PDE4D: variants seen among roughly 807,000 people sequenced by gnomAD.
The protein encoded by PDE4D is 3',5'-cyclic-AMP phosphodiesterase 4D.
Under a neutral mutation model 87.4 loss-of-function variants are expected in PDE4D, and 24 were observed. The observed-to-expected ratio is 0.27, with a 90% CI of 0.20 to 0.39. The LOEUF is 0.39. PDE4D is among the 10% of genes least tolerant of loss of function. The pLI, the probability that PDE4D is intolerant of heterozygous loss-of-function variation, is 1.00. For missense variants in PDE4D, 714 were observed against 1,041.0 expected, an observed-to-expected ratio of 0.69 and a Z score of 4.32; for synonymous variants, 384 against 383.2, an observed-to-expected ratio of 1.00 and a Z score of -0.02.
intron 3 of PDE4D, among the ~76,000 whole-genome samples, chr5:59,938,054 C>G (rs1756792822): frequency 6.6e-6 from 1 of 152,184 alleles, no homozygotes; most frequent in Non-Finnish European, 1.5e-5. Flanking sequence ...GGAACTGTAA[C>G]AGCATGACTT....
intron 1 of PDE4D, among the ~76,000 whole-genome samples, chr5:59,759,088 T>C (rs948573199): frequency 1.3e-5 from 2 of 152,110 alleles, no homozygotes; most frequent in African/African-American, 4.8e-5. Context: ...TTTGCTACAT[T>C]AGAGATAGTA....
At chr5:59,710,151 A>C (rs1484351369) in intron 1 of PDE4D, among the ~76,000 whole-genome samples, 2 of 152,180 alleles carry the variant, frequency 1.3e-5, no homozygotes, top group South Asian at 4.1e-4. Context: ...TGCCCAGGGA[A>C]GTCGGAAGAA....
chr5:59,052,641 G>A (rs1405430280), intron 5 of PDE4D, among the ~76,000 whole-genome samples: 1 of 152,154 alleles, frequency 6.6e-6, no homozygotes, highest in Admixed American at 6.5e-5. Context: ...TGGGAACAGT[G>A]GTTCAAATGC....
intron 1 of PDE4D, among the ~76,000 whole-genome samples, chr5:59,720,108 G>A (rs1755612592): frequency 6.6e-6 from 1 of 152,176 alleles, no homozygotes; most frequent in African/African-American, 2.4e-5. Flanking sequence ...TTTTCAAGGT[G>A]TGTATGTTTG....
At chr5:59,502,130 A>G (rs866407536) in intron 1 of PDE4D, among the ~76,000 whole-genome samples, 2 of 152,122 alleles carry the variant, frequency 1.3e-5, no homozygotes, top group South Asian at 4.1e-4. Context: ...AGCATAGTGC[A>G]TTACTCTTAG....
At position 60,231,977 on chromosome 5, in the gene PDE4D, G is replaced by A. The variant is rs528412479; in HGVS notation, c.-89-46290C>T. On this transcript the variant is annotated intron_variant, in intron 1 of 16. Transcript: ENST00000502484. ...GACATAGTATAGAGGGAGGGGGACCGCCTTAGTCAATTTTTTAATAAATTC... is the reference window on the plus strand; with the variant it reads ...GACATAGTATAGAGGGAGGGGGACCACCTTAGTCAATTTTTTAATAAATTC... 1.4e-3 allele frequency among the ~76,000 whole-genome samples: 208 copies of A among 151,984 alleles called. 2 individuals are homozygous for A. Among genetic ancestry groups the A allele is most frequent in the Non-Finnish European group, 2.4e-3 (165 of 67,868 alleles).
At chr5:59,084,407 A>G (rs1181559259) in intron 5 of PDE4D, among the ~76,000 whole-genome samples, 1 of 151,944 alleles carries the variant, frequency 6.6e-6, no homozygotes, top group Non-Finnish European at 1.5e-5. Flanking sequence ...AGGATTTATA[A>G]AATATATTTA....
At chr5:59,189,431 C>T (rs1231720366) in intron 3 of PDE4D, among the ~76,000 whole-genome samples, 1 of 151,908 alleles carries the variant, frequency 6.6e-6, no homozygotes, top group South Asian at 2.1e-4. Context: ...AGGGATCCAG[C>T]ATAATGCTTG....
At chr5:59,400,448 T>C (rs561621809) in intron 1 of PDE4D, among the ~76,000 whole-genome samples, 1 of 146,572 alleles carries the variant, frequency 6.8e-6, no homozygotes, top group Non-Finnish European at 1.5e-5. Context: ...ATGGATGAAA[T>C]TGGAAATCAT....
intron 1 of PDE4D, among the ~76,000 whole-genome samples, chr5:60,331,509 C>A (rs1757303973): frequency 1.3e-5 from 2 of 152,200 alleles, no homozygotes; most frequent in African/African-American, 4.8e-5. Flanking sequence ...ACATTCCCTG[C>A]CCCTTGGCCT....
intron 1 of PDE4D, among the ~76,000 whole-genome samples, chr5:60,381,136 G>A (rs1319134280): frequency 1.3e-5 from 2 of 152,154 alleles, no homozygotes; most frequent in African/African-American, 4.8e-5. Flanking sequence ...TGATCAGATA[G>A]TTTATGCTAA....
chr5:59,934,113 C>T (rs1162336433), intron 3 of PDE4D, among the ~76,000 whole-genome samples: 1 of 152,086 alleles, frequency 6.6e-6, no homozygotes, highest in African/African-American at 2.4e-5. Flanking sequence ...CCTCCAGGCA[C>T]TGGCCACCAT....
Position 59,804,209 on chromosome 5 carries a change from T to A in PDE4D, c.455+88959A>T, listed in dbSNP as rs1767484106. Among the ~76,000 whole-genome samples, 3 of 152,202 alleles carry A rather than the reference T, an allele frequency of 2.0e-5. No individual in the cohort carries two copies. In the South Asian group the frequency reaches 6.2e-4, roughly 31 times the overall value. ...TCTCTCCCCCATCCCCAAAGTCCAT[T>A]ATTCATTCTTATGCCTTTGTATCCT... On this transcript the variant is annotated intron_variant, in intron 1 of 14. Coordinates refer to ENST00000340635, the MANE Select transcript of PDE4D (RefSeq NM_001104631.2).
intron 1 of PDE4D, among the ~76,000 whole-genome samples, chr5:60,383,222 G>A (rs979846661): frequency 6.6e-6 from 1 of 151,972 alleles, no homozygotes; most frequent in Non-Finnish European, 1.5e-5. Context: ...TCTGTAAAAG[G>A]TATGAAAAAA....
At chr5:59,664,236 AT>A (rs1745701893) in intron 1 of PDE4D, among the ~76,000 whole-genome samples, 1 of 152,128 alleles carries the variant, frequency 6.6e-6, no homozygotes, top group South Asian at 2.1e-4. Flanking sequence ...AGCTCTGTTT[AT>A]TGACGTTTTT....
chr5:60,295,669 C>T (rs1022844548), intron 1 of PDE4D, among the ~76,000 whole-genome samples: 1 of 152,180 alleles, frequency 6.6e-6, no homozygotes, highest in East Asian at 1.9e-4. Flanking sequence ...GTCAAAGTTG[C>T]CCCCAGTTGA....
chr5:60,097,109 T>C (rs1284234467), intron 2 of PDE4D, among the ~76,000 whole-genome samples: 2 of 152,052 alleles, frequency 1.3e-5, no homozygotes, highest in Non-Finnish European at 2.9e-5. Context: ...GAATATGATC[T>C]AGTCATACTC....
At chr5:59,456,624 T>C (rs2153644182) in intron 1 of PDE4D, among the ~76,000 whole-genome samples, 1 of 152,194 alleles carries the variant, frequency 6.6e-6, no homozygotes, top group East Asian at 1.9e-4. Flanking sequence ...GAAATACATT[T>C]GGGAAGGCTA....
At chr5:60,343,401 A>G (rs973313419) in intron 1 of PDE4D, among the ~76,000 whole-genome samples, 3 of 152,190 alleles carry the variant, frequency 2.0e-5, no homozygotes, top group African/African-American at 7.2e-5. Context: ...TGTAAAGTAC[A>G]TTCACAAAGA....
Sources: gnomAD v4.1 joint callset for allele counts (sites outside exome capture counted in the v4.1 genomes callset) on GRCh38, gnomAD v4.1.1 for gene constraint, MANE v1.5 for transcripts, NCBI Gene and HGNC (gene_info 2026-07-23, HGNC 2026-07-21) for gene names.